Variants in NEGR1 observed in about 807,000 individuals in gnomAD.
NEGR1 encodes IgLON family member 4.
In NEGR1, 10 loss-of-function variants were observed where a neutral mutation model predicts 40.9. The ratio of observed to expected loss-of-function variants is 0.24; its 90% CI spans 0.15 to 0.42. The LOEUF is 0.42. NEGR1 is among the 10% of genes least tolerant of loss of function. The pLI is 1.00. For synonymous variants in NEGR1, 185 were observed against 166.8 expected (o/e 1.11, Z -0.84); for missense variants, 352 against 438.9 (o/e 0.80, Z 1.77).
rs528352051 is a variant in NEGR1 at position 72,267,274 on chromosome 1, T to C, written c.176+15045A>G. On this transcript the variant is annotated intron_variant, in intron 1 of 6. Coordinates refer to ENST00000357731, the MANE Select transcript of NEGR1 (RefSeq NM_173808.3). Reference sequence around the variant, plus strand: ...CCCCATCTTACATACAATGCATATGTAATTTTAAGTAGAAAAATGATGAGG... The same window carrying C: ...CCCCATCTTACATACAATGCATATGCAATTTTAAGTAGAAAAATGATGAGG... 3.4e-3 allele frequency among the ~76,000 whole-genome samples: 519 copies of C among 151,248 alleles called. 4 individuals are homozygous for C. The highest frequency in any genetic ancestry group is 0.012 in the African/African-American group (501 of 41,468).
At chr1:71,493,427 G>A (rs1325544370) in intron 6 of NEGR1, among the ~76,000 whole-genome samples, 1 of 152,058 alleles carries the variant, frequency 6.6e-6, no homozygotes, top group African/African-American at 2.4e-5. Context: ...AATTCCCCTT[G>A]TTTTGGTAAG....
At chr1:72,257,018 CA>C (rs1655291957) in intron 1 of NEGR1, among the ~76,000 whole-genome samples, 1 of 152,054 alleles carries the variant, frequency 6.6e-6, no homozygotes, top group Non-Finnish European at 1.5e-5. Flanking sequence ...TTTCTTTGGC[CA>C]AACTGTTAAG....
At chr1:71,685,640 G>T (rs1265282354) in intron 4 of NEGR1, among the ~76,000 whole-genome samples, 1 of 152,072 alleles carries the variant, frequency 6.6e-6, no homozygotes, top group African/African-American at 2.4e-5. Flanking sequence ...TTTAGCAAAT[G>T]AAAGATAACA....
At chr1:71,418,346 C>T (rs962668085) in intron 6 of NEGR1, among the ~76,000 whole-genome samples, 11 of 147,686 alleles carry the variant, frequency 7.4e-5, no homozygotes, top group Admixed American at 6.7e-5. Flanking sequence ...TGGAGTCTTA[C>T]TCTGTCGCCC....
At chr1:72,221,389 T>C (rs1654006971) in intron 1 of NEGR1, among the ~76,000 whole-genome samples, 1 of 152,266 alleles carries the variant, frequency 6.6e-6, no homozygotes, top group African/African-American at 2.4e-5. Flanking sequence ...TAGAATAAAT[T>C]ATTGTATTTA....
chr1:71,729,061 T>C (rs1257980795), intron 3 of NEGR1, among the ~76,000 whole-genome samples: 1 of 152,130 alleles, frequency 6.6e-6, no homozygotes, highest in African/African-American at 2.4e-5. Context: ...TGTGACCTCT[T>C]ATTCTACTTG....
At chr1:71,676,606 T>C (rs1652645385) in intron 4 of NEGR1, among the ~76,000 whole-genome samples, 1 of 152,186 alleles carries the variant, frequency 6.6e-6, no homozygotes, top group Admixed American at 6.6e-5. Flanking sequence ...GGTAAAAATT[T>C]TCTAAGCAGA....
rs1209774346 is a variant in NEGR1 at position 71,960,913 on chromosome 1, C to T, written c.177-25602G>A. Among the ~76,000 whole-genome samples the T allele has an allele frequency of 2.0e-5, 3 of 151,994 alleles. No individual in the cohort carries two copies. In the South Asian group the frequency reaches 6.2e-4, roughly 32 times the overall value. On this transcript the variant is annotated intron_variant, in intron 1 of 6. Transcript: ENST00000357731. ...CACTGAGACAAAATTCCTTAGATGA[C>T]AAAATACAAAATAAAATTATGCTTA...
At chr1:72,120,008 T>A (rs2100288331) in intron 1 of NEGR1, among the ~76,000 whole-genome samples, 1 of 152,090 alleles carries the variant, frequency 6.6e-6, no homozygotes, top group African/African-American at 2.4e-5. Flanking sequence ...CTCAAATGAA[T>A]ATGAAATCTT....
In NEGR1 at chr1:71,535,367, T is replaced by G. The variant is rs562101539; in HGVS notation, c.940+57450A>C. On this transcript the variant is annotated intron_variant, in intron 6 of 6. Coordinates refer to ENST00000357731, the MANE Select transcript of NEGR1 (RefSeq NM_173808.3). ...TCAATAAAAGGATAGTAGAAACAAA[T>G]AGCTATCCCAATGAACCAAGCTCTT... Among the ~76,000 whole-genome samples, 10 of 151,786 alleles carry G rather than the reference T, an allele frequency of 6.6e-5. 1 individual carries two copies. Among genetic ancestry groups the G allele is most frequent in the African/African-American group, 2.4e-4 (10 of 41,492 alleles).
chr1:71,724,913 C>G (rs1654624342), intron 3 of NEGR1, among the ~76,000 whole-genome samples: 2 of 152,044 alleles, frequency 1.3e-5, no homozygotes, highest in African/African-American at 4.8e-5. Flanking sequence ...TTCAGTGAGT[C>G]TGTGAGGCTC....
intron 3 of NEGR1, among the ~76,000 whole-genome samples, chr1:71,743,028 T>C (rs1041055631): frequency 6.6e-6 from 1 of 152,112 alleles, no homozygotes; most frequent in African/African-American, 2.4e-5. Flanking sequence ...TATGTGAGGA[T>C]ACATCGAGAA....
intron 1 of NEGR1, among the ~76,000 whole-genome samples, chr1:72,030,056 A>C (rs3128553): frequency 0.24 from 37,036 of 151,978 alleles, 6,278 homozygotes; most frequent in African/African-American, 0.48. Flanking sequence ...ACAGCTTTGC[A>C]AACAGGTAGT....
intron 4 of NEGR1, among the ~76,000 whole-genome samples, chr1:71,681,607 T>C (rs971470209): frequency 4.6e-5 from 7 of 152,224 alleles, no homozygotes; most frequent in Non-Finnish European, 8.8e-5. Flanking sequence ...GTTGCATTCA[T>C]AGGAATTCCT....
At chr1:71,545,877 T>C (rs1286957630) in intron 6 of NEGR1, among the ~76,000 whole-genome samples, 1 of 151,726 alleles carries the variant, frequency 6.6e-6, no homozygotes, top group Non-Finnish European at 1.5e-5. Flanking sequence ...ATTAGCTGTG[T>C]AATTTTGGCA....
intron 1 of NEGR1, among the ~76,000 whole-genome samples, chr1:72,138,131 G>A (rs955059340): frequency 2.0e-5 from 3 of 152,094 alleles, no homozygotes; most frequent in African/African-American, 7.2e-5. Flanking sequence ...ATAAGGAGGA[G>A]TAGAAAGGGT....
At position 71,984,229 on chromosome 1, in the gene NEGR1, G is replaced by A. The variant is rs183455035; in HGVS notation, c.177-48918C>T. Among the ~76,000 whole-genome samples, 7 of 145,242 alleles carry A rather than the reference G, an allele frequency of 4.8e-5. 1 individual carries two copies. In the East Asian group the frequency reaches 1.8e-3, roughly 37 times the overall value. ...ACACAATTTAGTCATCACCTATTGT[G>A]TACAATTACTTCAGGTCCTACTGCT... On this transcript the variant is annotated intron_variant, in intron 1 of 6. Coordinates refer to ENST00000357731, the MANE Select transcript of NEGR1 (RefSeq NM_173808.3).
At chr1:71,561,804 G>T (rs966144932) in intron 6 of NEGR1, among the ~76,000 whole-genome samples, 29 of 151,530 alleles carry the variant, frequency 1.9e-4, no homozygotes, top group African/African-American at 6.8e-4. Context: ...TGCTCTGCCT[G>T]CATCAAAAGG....
intron 5 of NEGR1, among the ~76,000 whole-genome samples, chr1:71,597,466 C>CTT (rs1460180034): frequency 5.6e-5 from 1 of 17,970 alleles, no homozygotes; most frequent in Non-Finnish European, 5.5e-4. Context: ...CTCTCTCTCT[C>CTT]TCTCTCTGTG....
Sources: gnomAD v4.1 joint callset for allele counts (sites outside exome capture counted in the v4.1 genomes callset) on GRCh38, gnomAD v4.1.1 for gene constraint, MANE v1.5 for transcripts, NCBI Gene and HGNC (gene_info 2026-07-23, HGNC 2026-07-21) for gene names.